NME8: variants seen among roughly 807,000 people sequenced by gnomAD.
The protein encoded by NME8 is protein NME8.
Under a neutral mutation model 82.3 loss-of-function variants are expected in NME8, and 72 were observed. The observed-to-expected ratio is 0.87, with a 90% CI of 0.72 to 1.06. The LOEUF is 1.06. Among genes scored for constraint, NME8 ranks in the 50% least tolerant of loss-of-function variants. The pLI is 0.00. For missense variants in NME8, 712 were observed against 685.4 expected (o/e 1.04, Z -0.43); for synonymous variants, 267 against 228.5 (o/e 1.17, Z -1.52).
chr7:37,886,534 T>C (rs1785043274), intron 14 of NME8, among the ~76,000 whole-genome samples: 2 of 152,236 alleles, frequency 1.3e-5, no homozygotes, highest in Admixed American at 1.3e-4. Context: ...TATCAGATTC[T>C]ATGCTGGCAT....
intron 6 of NME8, among the ~76,000 whole-genome samples, chr7:37,859,389 C>G (rs551989309): frequency 2.5e-4 from 38 of 152,216 alleles, no homozygotes; most frequent in Non-Finnish European, 5.9e-5. Flanking sequence ...TCTATGACAT[C>G]TGGAATTAAA....
Position 37,894,469 on chromosome 7 carries a change from A to C in NME8, c.1403A>C (p.Gln468Pro). The C allele has an allele frequency of 1.2e-6, 2 of 1,612,682 alleles. No individual in the cohort carries two copies. The highest frequency in any genetic ancestry group is 1.7e-6 in the Non-Finnish European group (2 of 1,178,968). The change falls in exon 16 of 18, where the codon CAG becomes CCG. Residue 468 changes from glutamine to proline, a missense_variant. By Grantham distance (76) the Gln-to-Pro change is moderately conservative. Coordinates refer to ENST00000199447, the MANE Select transcript of NME8 (RefSeq NM_016616.5). ...ATCAAATATTTGTTTTTCTTAGAGC[A>C]GATCCTGAAGATAGTTAAGGAGGCT... Reference protein sequence around the residue: ...KPHATSEQREQILKIVKEAGF... With the variant: ...KPHATSEQREPILKIVKEAGF...
intron 9 of NME8, among the ~76,000 whole-genome samples, chr7:37,864,906 C>A (rs1476359275): frequency 6.6e-6 from 1 of 152,146 alleles, no homozygotes; most frequent in Non-Finnish European, 1.5e-5. Flanking sequence ...CATTCACTAT[C>A]ATGAGAACAG....
At chr7:37,884,261 A>G in intron 12 of NME8, 42 bp from the exon 13 acceptor site, 1 of 1,307,370 alleles carries the variant, frequency 7.6e-7, no homozygotes, top group Non-Finnish European at 1.1e-6. Flanking sequence ...ATAACCAGTA[A>G]TCTACCAGTT....
intron 16 of NME8, 34 bp downstream of exon 16, chr7:37,894,644 A>G: frequency 6.6e-7 from 1 of 1,526,020 alleles, no homozygotes; most frequent in South Asian, 1.2e-5. Flanking sequence ...TTGCATTATA[A>G]AAGTGGTAAA....
At chr7:37,859,872 C>G (rs1784573413) in intron 6 of NME8, among the ~76,000 whole-genome samples, 1 of 152,130 alleles carries the variant, frequency 6.6e-6, no homozygotes, top group African/African-American at 2.4e-5. Context: ...CTCAGACTGC[C>G]CATTGCTCCA....
chr7:37,858,947 T>G (rs375238849), intron 6 of NME8, among the ~76,000 whole-genome samples: 19 of 152,164 alleles, frequency 1.2e-4, no homozygotes, highest in African/African-American at 4.6e-4. Context: ...CTTAAAGAGC[T>G]TGGCACTGTC....
chr7:37,883,975 A>G (rs1290837612), intron 12 of NME8, among the ~76,000 whole-genome samples: 1 of 150,864 alleles, frequency 6.6e-6, no homozygotes. Context: ...ACACACACAC[A>G]CACACACACA....
In NME8 at chr7:37,863,410, A is replaced by G. The variant is rs774174495; in HGVS notation, c.402A>G (p.Pro134=). ...EMARPQYPEI[P]LVDSDSEVSE... ...CTTTTTCATAGTATCCTGAAATTCC[A>G]TTAGTAGACTCAGATTCAGAAGTTA... is the stretch of plus-strand genomic sequence containing the variant. Residue 134 remains proline, a synonymous_variant, in exon 8 of 18, where the codon CCA becomes CCG. Coordinates refer to ENST00000199447, the MANE Select transcript of NME8 (RefSeq NM_016616.5). 1.3e-6 allele frequency: 2 copies of G among 1,588,022 alleles called. No individual in the cohort carries two copies. Among genetic ancestry groups the G allele is most frequent in the Non-Finnish European group, 8.6e-7 (1 of 1,156,370 alleles).
At chr7:37,863,332 A>C in intron 7 of NME8, 64 bp from the exon 8 acceptor site, 1 of 963,594 alleles carries the variant, frequency 1.0e-6, no homozygotes, top group Non-Finnish European at 1.7e-6. Context: ...AATTTCTAAA[A>C]ACCCACTCAC....
At chr7:37,882,655 A>G (rs879721978) in intron 12 of NME8, among the ~76,000 whole-genome samples, 1,627 of 147,904 alleles carry the variant, frequency 0.011, 26 homozygotes, top group African/African-American at 0.022. Context: ...GAAAGAAAGA[A>G]AGAGAAAGAA....
chr7:37,884,541 T>G, intron 13 of NME8, 94 bp downstream of exon 13: 3 of 1,069,280 alleles, frequency 2.8e-6, no homozygotes, highest in Non-Finnish European at 4.3e-6. Context: ...GCCAAACTCC[T>G]CAAGTCTGTA....
At chr7:37,871,606 A>C (rs1432785467) in intron 11 of NME8, among the ~76,000 whole-genome samples, 1 of 152,088 alleles carries the variant, frequency 6.6e-6, no homozygotes, top group African/African-American at 2.4e-5. Context: ...TATATGCCAA[A>C]TCCTAGAGAT....
At chr7:37,882,608 AGAGAGAG>A (rs1199019080) in intron 12 of NME8, among the ~76,000 whole-genome samples, 29 of 42,244 alleles carry the variant, frequency 6.9e-4, no homozygotes, top group Non-Finnish European at 2.0e-3. Context: ...AGAGAGAGAG[AGAGAGAG>A]AAAGAAAGAA....
chr7:37,897,056 TG>T lies in NME8; in HGVS notation c.1732del (p.Val578LeufsTer22). ...ASNAYEAKEV[V>X]NRLFEDPEEN ...CTAACGCCTATGAAGCAAAAGAGGT[TG>T]TTAATAGACTCTTTGAGGATCCTGA... On this transcript the variant is annotated frameshift_variant, in exon 17 of 18. Coordinates refer to ENST00000199447, the MANE Select transcript of NME8 (RefSeq NM_016616.5). LOFTEE classifies it low-confidence loss of function (END_TRUNC). 1 of 1,613,794 alleles carries T rather than the reference TG, an allele frequency of 6.2e-7. No individual in the cohort carries two copies. Among genetic ancestry groups the T allele is most frequent in the Non-Finnish European group, 8.5e-7 (1 of 1,179,756 alleles).
chr7:37,867,993 T>C, intron 11 of NME8, 95 bp downstream of exon 11: 1 of 964,448 alleles, frequency 1.0e-6, no homozygotes, highest in Admixed American at 2.0e-5. Context: ...CAAATGTTTT[T>C]ATGTTAAAGG....
intron 9 of NME8, 59 bp from the exon 10 acceptor site, chr7:37,865,466 T>C: frequency 8.2e-7 from 1 of 1,217,270 alleles, no homozygotes; most frequent in Non-Finnish European, 1.2e-6. Context: ...AAAACAAACT[T>C]AACTTGTTTT....
In NME8 at chr7:37,873,828, C is replaced by T. The variant is rs564975240; in HGVS notation, c.819-3004C>T. On this transcript the variant is annotated intron_variant, in intron 11 of 17. Coordinates refer to ENST00000199447, the MANE Select transcript of NME8 (RefSeq NM_016616.5). ...CTAATGTTGATTAGGAGTGCTGGTA[C>T]ATGGCGCTGATAAAAAGCAACCAGA... Among the ~76,000 whole-genome samples, 8 of 152,312 alleles carry T rather than the reference C, an allele frequency of 5.3e-5. No individual in the cohort carries two copies. In the South Asian group the frequency reaches 8.3e-4, roughly 16 times the overall value.
At chr7:37,892,519 A>C (rs1458046230) in intron 15 of NME8, among the ~76,000 whole-genome samples, 1 of 151,762 alleles carries the variant, frequency 6.6e-6, no homozygotes, top group East Asian at 1.9e-4. Flanking sequence ...AGATATGTAC[A>C]CACACACACC....
Sources: gnomAD v4.1 joint callset for allele counts (sites outside exome capture counted in the v4.1 genomes callset) on GRCh38, gnomAD v4.1.1 for gene constraint, MANE v1.5 for transcripts, NCBI Gene and HGNC (gene_info 2026-07-23, HGNC 2026-07-21) for gene names.